Variants in RBM26 observed in about 807,000 individuals in gnomAD.
The protein encoded by RBM26 is RNA-binding protein 26.
RBM26 carries 30 observed loss-of-function variants against 123.6 expected under a neutral mutation model. The ratio of observed to expected loss-of-function variants is 0.24; its 90% CI spans 0.18 to 0.33. The LOEUF is 0.33. Among genes scored for constraint, RBM26 ranks in the 10% least tolerant of loss-of-function variants. The pLI, the probability that RBM26 is intolerant of heterozygous loss-of-function variation, is 1.00. For missense variants in RBM26, 947 were observed against 1,203.6 expected (o/e 0.79, Z 3.15); for synonymous variants, 400 against 404.4 (o/e 0.99, Z 0.13).
At position 79,321,840 on chromosome 13, in the gene RBM26, G is replaced by T. The variant is rs369096013; in HGVS notation, c.2934+509C>A. Among the ~76,000 whole-genome samples, 39 of 151,348 alleles carry T rather than the reference G, an allele frequency of 2.6e-4. No homozygotes were observed. The South Asian group carries it at 7.1e-3, about 27-fold the overall frequency. ...CAGCGTTATCAGTCTGCCTTTTATT[G>T]TAACTAGTTTCTTATGTGTCTGCCA... On this transcript the variant is annotated intron_variant, in intron 21 of 21. Coordinates refer to ENST00000438737, the MANE Select transcript of RBM26 (RefSeq NM_001366735.2).
chr13:79,380,116 T>C (rs1328174427), intron 1 of RBM26, among the ~76,000 whole-genome samples: 1 of 152,164 alleles, frequency 6.6e-6, no homozygotes, highest in Non-Finnish European at 1.5e-5. Flanking sequence ...ATTCTACACA[T>C]ATACTCACGT....
At chr13:79,396,337 C>G (rs935482798) in intron 1 of RBM26, among the ~76,000 whole-genome samples, 1 of 152,038 alleles carries the variant, frequency 6.6e-6, no homozygotes, top group Non-Finnish European at 1.5e-5. Flanking sequence ...TAACATTGTT[C>G]TTTAATAAGC....
intron 1 of RBM26, chr13:79,389,553 A>G (rs569542655): frequency 2.6e-4 from 39 of 152,356 alleles, no homozygotes; most frequent in African/African-American, 8.4e-4. Context: ...TCTCTCATCC[A>G]TGTACTAACC....
intron 20 of RBM26, among the ~76,000 whole-genome samples, chr13:79,333,664 T>C (rs1315158942): frequency 1.3e-5 from 2 of 152,080 alleles, no homozygotes; most frequent in East Asian, 3.9e-4. Context: ...CAAAAAAGGC[T>C]CCTATGAATC....
In RBM26 at chr13:79,392,052, TTATATAATTATGTATTATACAATAATAC is replaced by T. The variant is rs2078067270; in HGVS notation, c.72-13173_72-13146del. Among the ~76,000 whole-genome samples, 7 of 138,876 alleles carry T rather than the reference TTATATAATTATGTATTATACAATAATAC, an allele frequency of 5.0e-5. 1 individual carries two copies. Among genetic ancestry groups the T allele is most frequent in the East Asian group, 2.0e-4 (1 of 4,896 alleles). The allele number at this position is 138,876 out of a possible 152,430, so 91.1% of individuals were successfully genotyped here. A position where few individuals can be genotyped will look rare whatever the true frequency, so the allele number is the denominator to read the frequency against. On this transcript the variant is annotated intron_variant, in intron 1 of 21. Transcript: ENST00000438737. The stretch of plus-strand genomic sequence containing the variant: ...TAATTATATATTATACAATACATTA[TTATATAATTATGTATTATACAATAATAC>T]ATAATTATATAATAATGTATTATAC...
chr13:79,328,104 A>G (rs536851341), intron 20 of RBM26, among the ~76,000 whole-genome samples: 2 of 152,256 alleles, frequency 1.3e-5, no homozygotes, highest in African/African-American at 4.8e-5. Flanking sequence ...TCATTCTCCC[A>G]TAACTTAGTC....
At chr13:79,359,802 AT>A in intron 9 of RBM26, 116 bp from the exon 10 acceptor site, 9 of 181,450 alleles carry the variant, frequency 5.0e-5, no homozygotes, top group East Asian at 9.6e-5. Context: ...ATATATATAT[AT>A]ATATAATTTT....
chr13:79,344,125 G>C, intron 16 of RBM26, 123 bp downstream of exon 16: 1 of 724,116 alleles, frequency 1.4e-6, no homozygotes, highest in Non-Finnish European at 2.5e-6. Flanking sequence ...TATTATCACT[G>C]ACAAATATTT....
intron 18 of RBM26, 108 bp from the exon 19 acceptor site, chr13:79,337,410 T>C: frequency 8.2e-7 from 1 of 1,225,124 alleles, no homozygotes. Flanking sequence ...GACAATGTAT[T>C]CAAATGCCCT....
chr13:79,332,474 T>C (rs1016279256), intron 20 of RBM26, among the ~76,000 whole-genome samples: 2 of 152,166 alleles, frequency 1.3e-5, no homozygotes, highest in African/African-American at 4.8e-5. Context: ...CAACTTAATT[T>C]TCTATTCTTT....
At chr13:79,397,171 ACT>A (rs1397214492) in intron 1 of RBM26, among the ~76,000 whole-genome samples, 1 of 151,790 alleles carries the variant, frequency 6.6e-6, no homozygotes, top group African/African-American at 2.4e-5. Flanking sequence ...AGAGAATAAG[ACT>A]CTGTCTCAAA....
intron 14 of RBM26, among the ~76,000 whole-genome samples, chr13:79,345,458 A>C (rs1034032636): frequency 2.0e-5 from 3 of 152,038 alleles, no homozygotes; most frequent in South Asian, 2.1e-4. Context: ...GTAAAAAAAA[A>C]CGACCTGATA....
intron 1 of RBM26, among the ~76,000 whole-genome samples, chr13:79,400,689 A>T (rs898707582): frequency 2.1e-4 from 32 of 152,200 alleles, no homozygotes; most frequent in Non-Finnish European, 2.9e-5. Flanking sequence ...TGACTTAAGA[A>T]AAGGAACCAA....
At chr13:79,395,060 G>C (rs1221041841) in intron 1 of RBM26, among the ~76,000 whole-genome samples, 1 of 152,134 alleles carries the variant, frequency 6.6e-6, no homozygotes, top group Non-Finnish European at 1.5e-5. Context: ...CTCCACTCAA[G>C]TGGCCTAACA....
At chr13:79,356,112 C>A (rs1199959356) in intron 11 of RBM26, among the ~76,000 whole-genome samples, 2 of 152,156 alleles carry the variant, frequency 1.3e-5, no homozygotes, top group African/African-American at 4.8e-5. Flanking sequence ...TCAGTAATCC[C>A]AGCACTCTGG....
At chr13:79,349,613 GTAA>G (rs2072892742) in intron 14 of RBM26, among the ~76,000 whole-genome samples, 1 of 150,916 alleles carries the variant, frequency 6.6e-6, no homozygotes, top group African/African-American at 2.4e-5. Flanking sequence ...AAAAATGCAG[GTAA>G]TAATCCTGAG....
chr13:79,383,396 G>T (rs2077223569), intron 1 of RBM26, among the ~76,000 whole-genome samples: 2 of 152,000 alleles, frequency 1.3e-5, no homozygotes, highest in African/African-American at 4.8e-5. Flanking sequence ...CACTACAAAA[G>T]ATCTGAAACA....
chr13:79,391,154 C>A (rs192453444), intron 1 of RBM26, among the ~76,000 whole-genome samples: 1 of 152,268 alleles, frequency 6.6e-6, no homozygotes. Context: ...AATACAGTGA[C>A]TGGTTTCCAT....
intron 5 of RBM26, among the ~76,000 whole-genome samples, chr13:79,369,607 A>C (rs2075674402): frequency 6.6e-6 from 1 of 152,216 alleles, no homozygotes; most frequent in African/African-American, 2.4e-5. Context: ...AAGGCCATAA[A>C]TAGTATTAAG....
Sources: gnomAD v4.1 joint callset for allele counts (sites outside exome capture counted in the v4.1 genomes callset) on GRCh38, gnomAD v4.1.1 for gene constraint, MANE v1.5 for transcripts, NCBI Gene and HGNC (gene_info 2026-07-23, HGNC 2026-07-21) for gene names.